ALMS1: variants seen among roughly 807,000 people sequenced by gnomAD.
ALMS1 encodes the protein ALMS1 centrosome and basal body associated protein.
ALMS1 carries 271 observed loss-of-function variants against 352.2 expected under a neutral mutation model. The ratio of observed to expected loss-of-function variants is 0.77; its 90% CI spans 0.70 to 0.85. ALMS1 has a LOEUF of 0.85. ALMS1 is among the 40% of genes least tolerant of loss of function. The pLI is 0.00. For synonymous variants in ALMS1, 1,865 were observed against 1,761.2 expected (o/e 1.06, Z -1.48); for missense variants, 5,445 against 4,870.7 (o/e 1.12, Z -3.51).
intron 7 of ALMS1, among the ~76,000 whole-genome samples, chr2:73,437,605 A>G (rs1156689562): frequency 1.3e-5 from 2 of 152,202 alleles, no homozygotes; most frequent in African/African-American, 4.8e-5. Flanking sequence ...TGATGTACCC[A>G]GTTGTACCAT....
chr2:73,512,663 C>G (rs1164497096), intron 10 of ALMS1, among the ~76,000 whole-genome samples: 2 of 152,018 alleles, frequency 1.3e-5, no homozygotes, highest in East Asian at 1.9e-4. Flanking sequence ...TTTTCTTATT[C>G]TATTTATTGT....
chr2:73,391,284 A>G (rs1572895004), intron 1 of ALMS1, among the ~76,000 whole-genome samples: 1 of 119,740 alleles, frequency 8.4e-6, no homozygotes, highest in South Asian at 2.3e-4. Context: ...CTATTCATAT[A>G]CGTTTTATTC....
intron 9 of ALMS1, among the ~76,000 whole-genome samples, chr2:73,461,652 T>A (rs1193841765): frequency 1.3e-5 from 2 of 152,154 alleles, no homozygotes; most frequent in East Asian, 3.8e-4. Context: ...ATGATCAAAC[T>A]ACTCCGAGCT....
rs201025991 is a variant in ALMS1, at chr2:73,490,033, A to G, written c.8074A>G (p.Lys2692Glu). The G allele has an allele frequency of 3.5e-5, 56 of 1,614,058 alleles. No individual in the cohort carries two copies. The highest frequency in any genetic ancestry group is 4.2e-5 in the Non-Finnish European group (50 of 1,180,036). Residue 2692 changes from lysine (K) to glutamate (E), a missense_variant, in exon 10 of 23, where the codon AAA becomes GAA. Transcript: ENST00000613296. ...ELVEPAFVPPKEVDFHSSSQM... is the reference protein window; with the variant it reads ...ELVEPAFVPPEEVDFHSSSQM... ...AGTAGAACCTGCTTTTGTGCCACCT[A>G]AAGAAGTGGATTTTCATTCTTCATC... is the stretch of plus-strand genomic sequence containing the variant.
At position 73,579,296 on chromosome 2, in the gene ALMS1, G is replaced by A. The variant is rs905525899; in HGVS notation, c.11547+5872G>A. On this transcript the variant is annotated intron_variant, in intron 16 of 22. Coordinates refer to ENST00000613296, the MANE Select transcript of ALMS1 (RefSeq NM_001378454.1). Reference sequence around the variant, plus strand: ...GCTGGTCTTAAACTCACGACCTCAGGTGATCCACCTGCCTTGACCTCCCAA... The same window carrying A: ...GCTGGTCTTAAACTCACGACCTCAGATGATCCACCTGCCTTGACCTCCCAA... 3.3e-5 allele frequency among the ~76,000 whole-genome samples: 5 copies of A among 151,860 alleles called. No individual in the cohort carries two copies. In the South Asian group the frequency reaches 1.0e-3, roughly 32 times the overall value.
chr2:73,603,273 A>G lies in ALMS1; in HGVS notation c.12331A>G (p.Ser4111Gly). The G allele has an allele frequency of 6.2e-7, 1 of 1,614,232 alleles. No homozygotes were observed. The highest frequency in any genetic ancestry group is 1.3e-5 in the African/African-American group (1 of 75,066). Residue 4111 changes from serine to glycine, a missense_variant, in exon 21 of 23, where the codon AGC becomes GGC. Ser to Gly is a moderately conservative substitution (Grantham distance 56). Transcript: ENST00000613296. ...GGCTATCCAGAAGAACAAGCCTATC[A>G]GCAAGAAGGAAATGATTCAGAGGTC... ...FLAIQKNKPI[S>G]KKEMIQRSKR...
chr2:73,520,037 T>C, intron 11 of ALMS1, 21 bp downstream of exon 11: 1 of 1,614,020 alleles, frequency 6.2e-7, no homozygotes, highest in East Asian at 2.2e-5. Context: ...GTGATTGCAT[T>C]TTAGATTGTT....
chr2:73,395,086 T>TTC (rs1670734919), intron 1 of ALMS1, among the ~76,000 whole-genome samples: 3 of 132,416 alleles, frequency 2.3e-5, no homozygotes, highest in African/African-American at 8.7e-5. Context: ...ATATTTTTTT[T>TTC]TTTTTTTTTT....
intron 9 of ALMS1, among the ~76,000 whole-genome samples, chr2:73,468,217 A>G (rs1672397279): frequency 6.6e-6 from 1 of 152,034 alleles, no homozygotes; most frequent in South Asian, 2.1e-4. Context: ...AACAAGATTT[A>G]TGAGATCTTT....
Position 73,450,771 on chromosome 2 carries a change from G to T in ALMS1, c.4244G>T (p.Gly1415Val), listed in dbSNP as rs6546837. Reference protein sequence around the residue: ...AKNVSAVPGPGDRKTGIPTLP... With the variant: ...AKNVSAVPGPVDRKTGIPTLP... ...AACGTTTCAGCGGTTCCTGGACCAGGTGACCGGAAGACTGGGATACCAACT... is the reference window on the plus strand; with the variant it reads ...AACGTTTCAGCGGTTCCTGGACCAGTTGACCGGAAGACTGGGATACCAACT... Residue 1415 changes from glycine to valine, a missense_variant, in exon 8 of 23, where the codon GGT becomes GTT. Physicochemically the swap from Gly to Val is moderately radical, Grantham distance 109 (BLOSUM62 -3). Transcript: ENST00000613296. The T allele has an allele frequency of 3.7e-6, 6 of 1,607,678 alleles. No individual in the cohort carries two copies. Among genetic ancestry groups the T allele is most frequent in the African/African-American group, 2.7e-5 (2 of 74,456 alleles).
chr2:73,604,981 TC>T (rs1675782420), intron 21 of ALMS1, among the ~76,000 whole-genome samples: 2 of 152,296 alleles, frequency 1.3e-5, no homozygotes, highest in Admixed American at 1.3e-4. Flanking sequence ...GGGAAGCACT[TC>T]CTTTGCACCG....
chr2:73,572,125 C>T, intron 15 of ALMS1, 137 bp from the exon 16 acceptor site: 1 of 711,476 alleles, frequency 1.4e-6, no homozygotes, highest in South Asian at 2.2e-5. Flanking sequence ...TTTGTGCAGG[C>T]AGTGAATTTT....
chr2:73,488,641 A>T (rs1558666075), intron 9 of ALMS1, among the ~76,000 whole-genome samples: 1 of 152,220 alleles, frequency 6.6e-6, no homozygotes, highest in African/African-American at 2.4e-5. Flanking sequence ...TCCCCACTGC[A>T]GCTGGCATCA....
chr2:73,409,702 T>A (rs1297710295), intron 2 of ALMS1, among the ~76,000 whole-genome samples: 1 of 152,112 alleles, frequency 6.6e-6, no homozygotes, highest in Non-Finnish European at 1.5e-5. Context: ...AACCAATAGG[T>A]TGGAGATAGA....
Position 73,453,260 on chromosome 2 carries a change from G to A in ALMS1, c.6733G>A (p.Gly2245Ser). Residue 2245 changes from glycine to serine, a missense_variant, in exon 8 of 23, where the codon GGC becomes AGC. By Grantham distance (56) the Gly-to-Ser change is moderately conservative. Coordinates refer to ENST00000613296, the MANE Select transcript of ALMS1 (RefSeq NM_001378454.1). The stretch of plus-strand genomic sequence containing the variant: ...AGAATCTGCAGGTTTTAGAGATGTT[G>A]GCTCTGAAGAAATCCAGGATGCAGA... ...KPESAGFRDV[G>S]SEEIQDAENS... The A allele has an allele frequency of 6.2e-7, 1 of 1,613,944 alleles. No individual in the cohort carries two copies. Among genetic ancestry groups the A allele is most frequent in the Non-Finnish European group, 8.5e-7 (1 of 1,179,970 alleles).
chr2:73,465,658 A>C (rs1331391822), intron 9 of ALMS1, among the ~76,000 whole-genome samples: 1 of 152,048 alleles, frequency 6.6e-6, no homozygotes, highest in Admixed American at 6.6e-5. Context: ...TAAACTAAAG[A>C]GTTTCTGCAC....
Position 73,408,619 on chromosome 2 carries a change from C to G in ALMS1, c.325-3C>G. The stretch of plus-strand genomic sequence containing the variant: ...TCTATTTAAGCCTGCTTTTGATTTT[C>G]AGATTGTTCCATTGACCTGTCATGT... On this transcript the variant is annotated splice_region_variant and splice_polypyrimidine_tract_variant and intron_variant, in intron 1 of 22. Transcript: ENST00000613296. 6.2e-7 allele frequency: 1 copy of G among 1,612,542 alleles called. No homozygotes were observed. The highest frequency in any genetic ancestry group is 8.5e-7 in the Non-Finnish European group (1 of 1,179,106).
intron 9 of ALMS1, among the ~76,000 whole-genome samples, chr2:73,472,813 TA>T (rs1299696064): frequency 6.6e-6 from 1 of 152,064 alleles, no homozygotes; most frequent in Non-Finnish European, 1.5e-5. Context: ...CTGTCTGAAG[TA>T]TCTGAAGGAC....
At chr2:73,458,417 G>C (rs962994011) in intron 9 of ALMS1, 18 of 152,158 alleles carry the variant, frequency 1.2e-4, no homozygotes, top group African/African-American at 3.6e-4. Flanking sequence ...TTGAATGCCT[G>C]ATATGCGCCA....
Sources: allele counts gnomAD v4.1 joint callset (sites outside exome capture counted in the v4.1 genomes callset), GRCh38; gene constraint gnomAD v4.1.1; transcripts MANE v1.5; gene names NCBI Gene and HGNC (gene_info 2026-07-23, HGNC 2026-07-21).